Variants in TCF7L1 observed in about 807,000 individuals in gnomAD.
TCF7L1 encodes transcription factor 7 like 1.
In TCF7L1, 18 loss-of-function variants were observed where a neutral mutation model predicts 63.7. The observed-to-expected ratio is 0.28, with a 90% CI of 0.20 to 0.42. The LOEUF is 0.42. Among genes scored for constraint, TCF7L1 ranks in the 10% least tolerant of loss-of-function variants. The pLI is 1.00. For missense variants in TCF7L1, 654 were observed against 779.3 expected, an observed-to-expected ratio of 0.84 and a Z score of 1.91; for synonymous variants, 355 against 340.9, an observed-to-expected ratio of 1.04 and a Z score of -0.46.
chr2:85,297,462 G>C (rs1388577149), intron 4 of TCF7L1, among the ~76,000 whole-genome samples: 2 of 152,156 alleles, frequency 1.3e-5, no homozygotes, highest in Non-Finnish European at 2.9e-5. Flanking sequence ...CTACACTAGT[G>C]TTTCTTTGGC....
chr2:85,290,937 G>A (rs1217987863), intron 4 of TCF7L1, among the ~76,000 whole-genome samples: 1 of 152,240 alleles, frequency 6.6e-6, no homozygotes, highest in Non-Finnish European at 1.5e-5. Context: ...CTGGGCGGCA[G>A]CCACACCTTG....
chr2:85,211,856 G>C (rs771624406), intron 3 of TCF7L1, among the ~76,000 whole-genome samples: 2 of 152,158 alleles, frequency 1.3e-5, no homozygotes, highest in African/African-American at 4.8e-5. Context: ...CTGGGAGGCC[G>C]AGGCGGGTGG....
chr2:85,257,358 G>T (rs1005762788), intron 3 of TCF7L1, among the ~76,000 whole-genome samples: 4 of 152,314 alleles, frequency 2.6e-5, no homozygotes, highest in Middle Eastern at 3.4e-3. Flanking sequence ...CAGCACAGCT[G>T]CAGGGAGGAA....
chr2:85,148,847 C>T (rs2104201160), intron 3 of TCF7L1, among the ~76,000 whole-genome samples: 1 of 143,758 alleles, frequency 7.0e-6, no homozygotes, highest in Middle Eastern at 4.0e-3. Flanking sequence ...GATCTTGGCT[C>T]ACTGCAACCT....
intron 3 of TCF7L1, among the ~76,000 whole-genome samples, chr2:85,242,520 G>A (rs1293942717): frequency 6.6e-6 from 1 of 152,204 alleles, no homozygotes; most frequent in Non-Finnish European, 1.5e-5. Flanking sequence ...TGACCTAGAC[G>A]CTGCACCCGG....
chr2:85,206,707 T>C (rs1452705775), intron 3 of TCF7L1, among the ~76,000 whole-genome samples: 1 of 152,218 alleles, frequency 6.6e-6, no homozygotes, highest in Non-Finnish European at 1.5e-5. Context: ...ATCCTAGTGC[T>C]GGAAGTCCAG....
At chr2:85,216,418 CT>C (rs1212287048) in intron 3 of TCF7L1, among the ~76,000 whole-genome samples, 6 of 152,186 alleles carry the variant, frequency 3.9e-5, no homozygotes, top group Non-Finnish European at 5.9e-5. Flanking sequence ...ACCTCGCGCC[CT>C]GCTGTGCTTG....
intron 11 of TCF7L1, among the ~76,000 whole-genome samples, chr2:85,308,257 T>C (rs186752708): frequency 1.1e-4 from 17 of 152,176 alleles, no homozygotes; most frequent in Admixed American, 1.3e-4. Context: ...ATTATTAATA[T>C]TTAGGTCACG....
chr2:85,307,444 G>A (rs61326180), intron 10 of TCF7L1, among the ~76,000 whole-genome samples, 198 bp from the exon 11 acceptor site: 5,917 of 152,204 alleles, frequency 0.039, 141 homozygotes, highest in East Asian at 0.059. Flanking sequence ...GAGGGGAAAC[G>A]CGTTTGTAGG....
intron 3 of TCF7L1, among the ~76,000 whole-genome samples, chr2:85,148,771 A>T (rs1273776570): frequency 8.0e-6 from 1 of 125,018 alleles, no homozygotes; most frequent in South Asian, 2.6e-4. Flanking sequence ...ACAGTATTTA[A>T]TTTTTTTTTT....
intron 3 of TCF7L1, among the ~76,000 whole-genome samples, chr2:85,176,788 AC>A (rs1008057831): frequency 8.5e-5 from 13 of 152,068 alleles, no homozygotes; most frequent in African/African-American, 3.1e-4. Context: ...GGAGTTCAGG[AC>A]CAGCCTGGCC....
chr2:85,199,608 T>C (rs1317087953), intron 3 of TCF7L1, among the ~76,000 whole-genome samples: 1 of 152,192 alleles, frequency 6.6e-6, no homozygotes, highest in African/African-American at 2.4e-5. Context: ...AGCGTCTGTA[T>C]GTCTTTAAAA....
intron 3 of TCF7L1, among the ~76,000 whole-genome samples, chr2:85,181,848 T>A (rs1236061834): frequency 6.6e-6 from 1 of 152,244 alleles, no homozygotes; most frequent in East Asian, 1.9e-4. Context: ...TGGGTGTCAG[T>A]TTAACAAGTG....
chr2:85,139,926 A>G (rs186741530), intron 3 of TCF7L1, among the ~76,000 whole-genome samples: 26 of 152,332 alleles, frequency 1.7e-4, no homozygotes, highest in Admixed American at 1.7e-3. Context: ...ACTTGTACAC[A>G]TGGCTAGAAA....
intron 3 of TCF7L1, chr2:85,205,108 T>C (rs1679371549): frequency 6.6e-6 from 1 of 152,234 alleles, no homozygotes; most frequent in Non-Finnish European, 1.5e-5. Flanking sequence ...GAGGATTAGT[T>C]AGAATTTTTT....
chr2:85,173,993 A>T (rs1678617832), intron 3 of TCF7L1, among the ~76,000 whole-genome samples: 1 of 152,100 alleles, frequency 6.6e-6, no homozygotes, highest in Non-Finnish European at 1.5e-5. Context: ...CCTCAGCCTC[A>T]CAAAGTGCTG....
chr2:85,259,853 G>A (rs80227690), intron 3 of TCF7L1, among the ~76,000 whole-genome samples: 307 of 152,278 alleles, frequency 2.0e-3, no homozygotes, highest in African/African-American at 7.1e-3. Flanking sequence ...AAGGAGGGCC[G>A]TGAGTGTTCC....
At chr2:85,257,230 G>A (rs957746820) in intron 3 of TCF7L1, among the ~76,000 whole-genome samples, 2 of 151,948 alleles carry the variant, frequency 1.3e-5, no homozygotes, top group South Asian at 2.1e-4. Flanking sequence ...TCATTGAGCC[G>A]CACACGAGAT....
chr2:85,291,499 C>T (rs1398606502), intron 4 of TCF7L1, among the ~76,000 whole-genome samples: 1 of 152,170 alleles, frequency 6.6e-6, no homozygotes, highest in African/African-American at 2.4e-5. Flanking sequence ...TCACCGGAAG[C>T]ACCTTTAACA....
Sources: allele counts gnomAD v4.1 joint callset (sites outside exome capture counted in the v4.1 genomes callset), GRCh38; gene constraint gnomAD v4.1.1; transcripts MANE v1.5; gene names NCBI Gene and HGNC (gene_info 2026-07-23, HGNC 2026-07-21).